Variants in CAMK1D observed in about 807,000 individuals in gnomAD.
The protein encoded by CAMK1D is calcium/calmodulin-dependent protein kinase type 1D.
In CAMK1D, 9 loss-of-function variants were observed where a neutral mutation model predicts 47.7. The ratio of observed to expected loss-of-function variants is 0.19; its 90% confidence interval spans 0.11 to 0.33. CAMK1D has a LOEUF of 0.33. Ranked by LOEUF, CAMK1D falls within the 10% of genes least tolerant of loss-of-function variation. CAMK1D has a pLI of 1.00. For missense variants in CAMK1D, 291 were observed against 488.7 expected, an observed-to-expected ratio of 0.60 and a Z score of 3.81; for synonymous variants, 184 against 184.9, an observed-to-expected ratio of 0.99 and a Z score of 0.04.
intron 2 of CAMK1D, among the ~76,000 whole-genome samples, chr10:12,593,299 A>G (rs1374226146): frequency 6.6e-6 from 1 of 152,232 alleles, no homozygotes; most frequent in Admixed American, 6.5e-5. Context: ...TCTTAAAGGT[A>G]AGACCCAAGG....
chr10:12,719,363 C>T (rs11257957), intron 3 of CAMK1D, among the ~76,000 whole-genome samples: 2,035 of 151,730 alleles, frequency 0.013, 47 homozygotes, highest in African/African-American at 0.047. Flanking sequence ...GCCGAGATCA[C>T]ACCAACTGCA....
At chr10:12,630,580 ATTT>A (rs1839351646) in intron 2 of CAMK1D, among the ~76,000 whole-genome samples, 1 of 151,270 alleles carries the variant, frequency 6.6e-6, no homozygotes, top group Non-Finnish European at 1.5e-5. Context: ...TTGTTGTTTT[ATTT>A]TATTTTATTT....
chr10:12,522,164 C>T, intron 1 of CAMK1D, among the ~76,000 whole-genome samples: 1 of 145,158 alleles, frequency 6.9e-6, no homozygotes. Flanking sequence ...CCTTTCCTGC[C>T]TTCTTTTGTG....
chr10:12,487,230 CTCA>C lies in CAMK1D; in HGVS notation c.93-65990_93-65988del, dbSNP rs575911009. 6.6e-5 allele frequency among the ~76,000 whole-genome samples: 10 copies of C among 152,226 alleles called. No homozygotes were observed. The East Asian group carries it at 1.9e-3, about 29-fold the overall frequency. On this transcript the variant is annotated intron_variant, in intron 1 of 10. Coordinates refer to ENST00000619168, the MANE Select transcript of CAMK1D (RefSeq NM_153498.4). Reference sequence around the variant, plus strand: ...GTCCCTCGCATTATGTTCATATGTTCTCATCATTTTAGGAGCTAAATTTTTTCA... The same window carrying C: ...GTCCCTCGCATTATGTTCATATGTTCTCATTTTAGGAGCTAAATTTTTTCA...
chr10:12,578,586 G>T (rs1318755637), intron 2 of CAMK1D, among the ~76,000 whole-genome samples: 6 of 59,702 alleles, frequency 1.0e-4, no homozygotes, highest in East Asian at 4.4e-4. Flanking sequence ...AAAAAAAAAA[G>T]TTTTGTAGAG....
intron 1 of CAMK1D, among the ~76,000 whole-genome samples, chr10:12,494,678 C>A (rs951203696): frequency 3.9e-5 from 6 of 152,322 alleles, no homozygotes; most frequent in African/African-American, 1.4e-4. Context: ...GATTCTCCTG[C>A]CTTAGCCTCC....
chr10:12,380,675 T>C (rs1053232048), intron 1 of CAMK1D, among the ~76,000 whole-genome samples: 1 of 152,064 alleles, frequency 6.6e-6, no homozygotes, highest in African/African-American at 2.4e-5. Flanking sequence ...GCTAACACGG[T>C]GAAACCCCAT....
At chr10:12,530,267 G>T (rs59087547) in intron 1 of CAMK1D, among the ~76,000 whole-genome samples, 8,750 of 152,250 alleles carry the variant, frequency 0.057, 322 homozygotes, top group Admixed American at 0.12. Context: ...GGCTGCGAGT[G>T]GGGGGCCCTA....
At chr10:12,689,272 C>G (rs1223572772) in intron 3 of CAMK1D, among the ~76,000 whole-genome samples, 1 of 152,182 alleles carries the variant, frequency 6.6e-6, no homozygotes, top group African/African-American at 2.4e-5. Context: ...TCAAGCAAAG[C>G]TGAAACGATA....
intron 1 of CAMK1D, among the ~76,000 whole-genome samples, chr10:12,366,622 G>A (rs1837844011): frequency 6.6e-6 from 1 of 152,070 alleles, no homozygotes. Flanking sequence ...TTGCGTGACT[G>A]CACTCCAGCC....
chr10:12,791,814 C>T (rs1837992489), intron 6 of CAMK1D, among the ~76,000 whole-genome samples: 1 of 152,194 alleles, frequency 6.6e-6, no homozygotes, highest in South Asian at 2.1e-4. Context: ...CCTGCCTTCA[C>T]TTCTTTGGGG....
At chr10:12,357,731 T>C (rs1837559003) in intron 1 of CAMK1D, among the ~76,000 whole-genome samples, 1 of 152,150 alleles carries the variant, frequency 6.6e-6, no homozygotes, top group African/African-American at 2.4e-5. Flanking sequence ...TCCGTGCTTA[T>C]TTAGTGCAGG....
At chr10:12,561,099 A>T (rs530217226) in intron 2 of CAMK1D, among the ~76,000 whole-genome samples, 1 of 151,792 alleles carries the variant, frequency 6.6e-6, no homozygotes, top group Non-Finnish European at 1.5e-5. Flanking sequence ...TATTTTTTTT[A>T]ATAGAGACAG....
chr10:12,419,999 G>A (rs187275841), intron 1 of CAMK1D, among the ~76,000 whole-genome samples: 43 of 149,060 alleles, frequency 2.9e-4, no homozygotes, highest in East Asian at 2.2e-3. Context: ...TTGCTCTGTC[G>A]CCCAGGCTGA....
chr10:12,676,095 G>T (rs958960205), intron 3 of CAMK1D, among the ~76,000 whole-genome samples: 1 of 152,096 alleles, frequency 6.6e-6, no homozygotes, highest in Non-Finnish European at 1.5e-5. Flanking sequence ...TGGGATTACA[G>T]GCACCTGCCA....
chr10:12,407,911 G>A (rs898144695), intron 1 of CAMK1D, among the ~76,000 whole-genome samples: 1 of 142,864 alleles, frequency 7.0e-6, no homozygotes, highest in Non-Finnish European at 1.5e-5. Context: ...AGGCTGGAGT[G>A]CAGTGGTGCA....
intron 1 of CAMK1D, among the ~76,000 whole-genome samples, chr10:12,371,631 C>T (rs1006227840): frequency 1.3e-5 from 2 of 151,024 alleles, no homozygotes; most frequent in African/African-American, 4.9e-5. Flanking sequence ...GGCACAGTGG[C>T]TCACGCCTGT....
intron 6 of CAMK1D, among the ~76,000 whole-genome samples, chr10:12,802,787 T>C (rs1588947603): frequency 1.3e-5 from 2 of 152,356 alleles, no homozygotes; most frequent in African/African-American, 4.8e-5. Flanking sequence ...CCCAAAGTGC[T>C]GGGATTACAG....
At chr10:12,462,597 T>C (rs1211431526) in intron 1 of CAMK1D, among the ~76,000 whole-genome samples, 2 of 152,146 alleles carry the variant, frequency 1.3e-5, no homozygotes, top group African/African-American at 4.8e-5. Flanking sequence ...AGAGCTGATA[T>C]TTGTATATTG....
Sources: gnomAD v4.1 joint callset for allele counts (sites outside exome capture counted in the v4.1 genomes callset) on GRCh38, gnomAD v4.1.1 for gene constraint, MANE v1.5 for transcripts, NCBI Gene and HGNC (gene_info 2026-07-23, HGNC 2026-07-21) for gene names.